Variants in PITPNM3 observed in about 807,000 individuals in gnomAD.
PITPNM3 encodes the protein membrane-associated phosphatidylinositol transfer protein 3.
PITPNM3 carries 26 observed loss-of-function variants against 102.0 expected under a neutral mutation model. That is an observed-to-expected ratio of 0.25 (90% confidence interval 0.19 to 0.35). PITPNM3 has a LOEUF of 0.35. Among genes scored for constraint, PITPNM3 ranks in the 10% least tolerant of loss-of-function variants. PITPNM3 has a pLI of 1.00. For synonymous variants in PITPNM3, 578 were observed against 558.6 expected (o/e 1.03, Z -0.49); for missense variants, 1,083 against 1,346.1 (o/e 0.80, Z 3.06).
intron 1 of PITPNM3, among the ~76,000 whole-genome samples, chr17:6,538,675 G>C (rs1358595298): frequency 6.6e-6 from 1 of 152,212 alleles, no homozygotes; most frequent in Non-Finnish European, 1.5e-5. Context: ...GTCCCTCAGA[G>C]ACCTGCATTC....
chr17:6,483,828 C>T (rs1905904634), intron 5 of PITPNM3, 76 bp from the exon 6 acceptor site: 9 of 1,212,946 alleles, frequency 7.4e-6, no homozygotes, highest in African/African-American at 1.5e-5. Context: ...CACACACACA[C>T]ATGTGCGCAT....
intron 4 of PITPNM3, among the ~76,000 whole-genome samples, chr17:6,494,677 T>G (rs567684333): frequency 6.6e-6 from 1 of 152,150 alleles, no homozygotes; most frequent in East Asian, 1.9e-4. Flanking sequence ...GGCCAGGGTG[T>G]GGAAAAACGA....
intron 18 of PITPNM3, 57 bp downstream of exon 18, chr17:6,461,316 G>A (rs1904438535): frequency 1.9e-6 from 3 of 1,568,278 alleles, no homozygotes; most frequent in Non-Finnish European, 2.6e-6. Context: ...GGGGAGCGGT[G>A]GAGAGGAGGG....
At chr17:6,475,654 C>CA (rs1272146286) in intron 9 of PITPNM3, among the ~76,000 whole-genome samples, 2 of 152,182 alleles carry the variant, frequency 1.3e-5, no homozygotes, top group Non-Finnish European at 2.9e-5. Flanking sequence ...TCCCTAAACA[C>CA]ATGCCAACTA....
At position 6,464,702 on chromosome 17, in the gene PITPNM3, G is replaced by A. The variant is rs1366826918; in HGVS notation, c.1960C>T (p.Arg654Trp). 6 of 1,614,054 alleles carry A rather than the reference G, an allele frequency of 3.7e-6. No individual in the cohort carries two copies. The highest frequency in any genetic ancestry group is 5.1e-6 in the Non-Finnish European group (6 of 1,180,054). The change falls in exon 15 of 20, where the codon CGG (arginine) becomes TGG (tryptophan). Residue 654 changes from arginine to tryptophan, a missense_variant. This residue lies in a region of PITPNM3 where 410 missense variants were observed against 638.4 expected (regional missense o/e 0.64). Transcript: ENST00000262483. ...ATGTCGAGGGGCCCGTACATGAACC[G>A]CCCCACCAGGACCTGGGGGCCATCT... The part of the protein sequence containing the change: ...AEDGPQVLVG[R>W]FMYGPLDMVA...
chr17:6,550,548 G>T (rs1372841576), intron 1 of PITPNM3, among the ~76,000 whole-genome samples: 2 of 152,188 alleles, frequency 1.3e-5, no homozygotes, highest in Non-Finnish European at 2.9e-5. Context: ...AAGGATGCCG[G>T]ATCTCAAAGA....
intron 4 of PITPNM3, among the ~76,000 whole-genome samples, chr17:6,488,077 C>T (rs1906205709): frequency 6.6e-6 from 1 of 151,894 alleles, no homozygotes; most frequent in Admixed American, 6.6e-5. Flanking sequence ...CAGAGCTTCC[C>T]CACAGAAAGG....
At chr17:6,471,560 G>A (rs1597368131) in intron 11 of PITPNM3, among the ~76,000 whole-genome samples, 1 of 152,166 alleles carries the variant, frequency 6.6e-6, no homozygotes, top group African/African-American at 2.4e-5. Context: ...CGCTGCCACC[G>A]CATATTGCCG....
At chr17:6,532,399 T>C (rs770280283) in intron 2 of PITPNM3, among the ~76,000 whole-genome samples, 5 of 152,134 alleles carry the variant, frequency 3.3e-5, no homozygotes, top group African/African-American at 4.8e-5. Context: ...TTTTGACATA[T>C]GTACATACCT....
intron 4 of PITPNM3, among the ~76,000 whole-genome samples, chr17:6,487,700 C>T (rs531992101): frequency 1.3e-3 from 200 of 152,332 alleles, no homozygotes; most frequent in African/African-American, 4.7e-3. Context: ...CGCCCTCACC[C>T]ATTACAAAGG....
chr17:6,464,902 TAG>T (rs1288239643), intron 14 of PITPNM3, 131 bp from the exon 15 acceptor site: 6 of 891,140 alleles, frequency 6.7e-6, no homozygotes, highest in Non-Finnish European at 9.3e-6. Flanking sequence ...TAACTTCTGC[TAG>T]AGTTTCAGAG....
intron 3 of PITPNM3, among the ~76,000 whole-genome samples, chr17:6,505,195 AATATATAT>A (rs55839764): frequency 1.5e-5 from 2 of 136,290 alleles, no homozygotes; most frequent in South Asian, 2.4e-4. Context: ...AGACAAATAA[AATATATAT>A]ATATATATAT....
chr17:6,553,192 G>A (rs1203778987), intron 1 of PITPNM3, among the ~76,000 whole-genome samples: 1 of 152,056 alleles, frequency 6.6e-6, no homozygotes, highest in Non-Finnish European at 1.5e-5. Flanking sequence ...GCTCTGTACT[G>A]TAAATTGTCC....
chr17:6,553,459 C>T (rs997614814), intron 1 of PITPNM3, among the ~76,000 whole-genome samples: 10 of 152,242 alleles, frequency 6.6e-5, no homozygotes, highest in South Asian at 2.1e-4. Flanking sequence ...AGCTCTTGTC[C>T]GACACAAGCC....
At chr17:6,546,961 C>T (rs1400263688) in intron 1 of PITPNM3, among the ~76,000 whole-genome samples, 1 of 151,758 alleles carries the variant, frequency 6.6e-6, no homozygotes, top group African/African-American at 2.4e-5. Context: ...GAGCTGAGAT[C>T]GTGCCATTGC....
chr17:6,539,708 T>A (rs1417511667), intron 1 of PITPNM3, among the ~76,000 whole-genome samples: 1 of 152,228 alleles, frequency 6.6e-6, no homozygotes, highest in Non-Finnish European at 1.5e-5. Context: ...CTGTATGTTT[T>A]CTCAATCAAC....
chr17:6,547,578 A>C (rs1389852074), intron 1 of PITPNM3, among the ~76,000 whole-genome samples: 2 of 152,040 alleles, frequency 1.3e-5, no homozygotes, highest in Non-Finnish European at 2.9e-5. Context: ...GGGCAGCCCG[A>C]AAGACAGGAC....
chr17:6,518,795 A>T (rs910280380), intron 3 of PITPNM3, among the ~76,000 whole-genome samples: 2 of 152,206 alleles, frequency 1.3e-5, no homozygotes, highest in Non-Finnish European at 2.9e-5. Flanking sequence ...CAATGAGGGG[A>T]ATGAGAAAGA....
intron 10 of PITPNM3, among the ~76,000 whole-genome samples, chr17:6,473,639 C>T (rs543264424): frequency 6.6e-6 from 1 of 152,258 alleles, no homozygotes; most frequent in African/African-American, 2.4e-5. Flanking sequence ...TGGTGCCAAT[C>T]GCCTGGTGTG....
Sources: gnomAD v4.1 joint callset for allele counts (sites outside exome capture counted in the v4.1 genomes callset) on GRCh38, gnomAD v4.1.1 for gene constraint, gnomAD v4.1.1 regional missense constraint, MANE v1.5 for transcripts, NCBI Gene and HGNC (gene_info 2026-07-23, HGNC 2026-07-21) for gene names.